ERBB4: variants seen among roughly 807,000 people sequenced by gnomAD.
The protein encoded by ERBB4 is erb-b2 receptor tyrosine kinase 4, also known as receptor tyrosine-protein kinase erbB-4.
Under a neutral mutation model 158.0 loss-of-function variants are expected in ERBB4, and 42 were observed. That is an observed-to-expected ratio of 0.27 (90% CI 0.21 to 0.34). The LOEUF is 0.34. ERBB4 is among the 10% of genes least tolerant of loss of function. The probability of loss-of-function intolerance (pLI) is 1.00; values close to 1 mark genes in which losing one functional copy is unlikely to be tolerated. For synonymous variants in ERBB4, 583 were observed against 558.7 expected (o/e 1.04, Z -0.61); for missense variants, 1,333 against 1,624.1 (o/e 0.82, Z 3.08).
chr2:212,124,722 C>G (rs774582467), intron 2 of ERBB4, 30 bp downstream of exon 2: 2 of 1,613,604 alleles, frequency 1.2e-6, no homozygotes, highest in Admixed American at 3.3e-5. Context: ...TGTCCATTCA[C>G]AAAGAAGAGA....
chr2:211,549,394 G>T (rs958169148), intron 20 of ERBB4, among the ~76,000 whole-genome samples: 1 of 152,058 alleles, frequency 6.6e-6, no homozygotes, highest in African/African-American at 2.4e-5. Context: ...GGGGCTGGTA[G>T]TGGGATTGGG....
At chr2:212,304,737 C>A (rs572053761) in intron 1 of ERBB4, among the ~76,000 whole-genome samples, 12 of 151,536 alleles carry the variant, frequency 7.9e-5, no homozygotes, top group African/African-American at 2.7e-4. Context: ...TCCTCAAGAA[C>A]CTGAGCCCTT....
At chr2:212,393,896 G>C (rs1352647812) in intron 1 of ERBB4, among the ~76,000 whole-genome samples, 1 of 152,058 alleles carries the variant, frequency 6.6e-6, no homozygotes, top group African/African-American at 2.4e-5. Flanking sequence ...TTCTAGGCCA[G>C]ATGCAAAAAT....
At chr2:212,343,503 G>T (rs1477818018) in intron 1 of ERBB4, among the ~76,000 whole-genome samples, 1 of 152,114 alleles carries the variant, frequency 6.6e-6, no homozygotes, top group African/African-American at 2.4e-5. Flanking sequence ...AACTCTAAAT[G>T]CATTGAATAG....
intron 20 of ERBB4, among the ~76,000 whole-genome samples, chr2:211,524,116 G>A (rs1003228879): frequency 2.6e-5 from 4 of 151,838 alleles, no homozygotes; most frequent in South Asian, 2.1e-4. Context: ...ACAGAGTGCC[G>A]ATTGGTGTAT....
At position 212,483,427 on chromosome 2, in the gene ERBB4, T is replaced by C. The variant is rs532684829; in HGVS notation, c.82+55022A>G. On this transcript the variant is annotated intron_variant, in intron 1 of 27. Transcript: ENST00000342788. ...TTATCTGGAGTGTCTTTTCCTAATG[T>C]TAGACTTTTTTGACATTAAGTTTTT... 2.0e-5 allele frequency among the ~76,000 whole-genome samples: 3 copies of C among 152,330 alleles called. No homozygotes were observed. The East Asian group carries it at 5.8e-4, about 29-fold the overall frequency.
intron 2 of ERBB4, among the ~76,000 whole-genome samples, chr2:211,983,996 C>A (rs991937256): frequency 6.6e-6 from 1 of 152,074 alleles, no homozygotes; most frequent in Non-Finnish European, 1.5e-5. Flanking sequence ...AATGGATAAT[C>A]TATAAACAAG....
intron 1 of ERBB4, among the ~76,000 whole-genome samples, chr2:212,461,680 G>T (rs1486719691): frequency 6.6e-6 from 1 of 152,114 alleles, no homozygotes; most frequent in East Asian, 1.9e-4. Flanking sequence ...GTTCCAAAAT[G>T]TGAGGATGTG....
intron 1 of ERBB4, among the ~76,000 whole-genome samples, chr2:212,135,272 A>G (rs1404789819): frequency 6.6e-6 from 1 of 152,144 alleles, no homozygotes; most frequent in Non-Finnish European, 1.5e-5. Flanking sequence ...ACTGAAAACT[A>G]AAAAAACTGA....
chr2:212,075,613 T>C (rs2078251063), intron 2 of ERBB4, among the ~76,000 whole-genome samples: 1 of 151,842 alleles, frequency 6.6e-6, no homozygotes, highest in African/African-American at 2.4e-5. Flanking sequence ...AAAACTTTAG[T>C]TCTCTATTTC....
At chr2:212,348,174 C>T (rs1475461079) in intron 1 of ERBB4, among the ~76,000 whole-genome samples, 1 of 152,124 alleles carries the variant, frequency 6.6e-6, no homozygotes, top group African/African-American at 2.4e-5. Context: ...AAACTGAGCT[C>T]ATACCCTCAA....
chr2:211,466,226 G>T (rs554948840), intron 20 of ERBB4, among the ~76,000 whole-genome samples: 1 of 151,850 alleles, frequency 6.6e-6, no homozygotes, highest in Admixed American at 6.6e-5. Flanking sequence ...GTTGTTTAGC[G>T]TAATAGCCTT....
intron 19 of ERBB4, among the ~76,000 whole-genome samples, chr2:211,590,085 C>A (rs2068414453): frequency 6.6e-6 from 1 of 151,908 alleles, no homozygotes; most frequent in African/African-American, 2.4e-5. Context: ...AGTTCTCATG[C>A]TAAGGATAAC....
At chr2:212,535,532 G>A (rs1253456002) in intron 1 of ERBB4, among the ~76,000 whole-genome samples, 4 of 152,022 alleles carry the variant, frequency 2.6e-5, no homozygotes, top group South Asian at 2.1e-4. Flanking sequence ...CTTGTTCATC[G>A]TTTATCTACT....
chr2:211,641,806 T>C (rs1461304636), intron 16 of ERBB4, among the ~76,000 whole-genome samples: 2 of 152,096 alleles, frequency 1.3e-5, no homozygotes, highest in Admixed American at 1.3e-4. Context: ...TATTTGTTTT[T>C]AGTACTTATG....
intron 3 of ERBB4, among the ~76,000 whole-genome samples, chr2:211,838,154 T>C (rs1273463872): frequency 6.6e-6 from 1 of 152,042 alleles, no homozygotes; most frequent in Non-Finnish European, 1.5e-5. Flanking sequence ...TCGCTTTCCA[T>C]GTATTGCAAC....
chr2:211,495,981 T>A (rs906509568), intron 20 of ERBB4, among the ~76,000 whole-genome samples: 1 of 152,184 alleles, frequency 6.6e-6, no homozygotes, highest in African/African-American at 2.4e-5. Context: ...GATAAATATG[T>A]TGATCCCTTT....
chr2:212,242,712 A>G (rs2084156282), intron 1 of ERBB4, among the ~76,000 whole-genome samples: 2 of 152,214 alleles, frequency 1.3e-5, no homozygotes, highest in Admixed American at 6.5e-5. Context: ...TTTGTATTAA[A>G]GGTGGCACAG....
intron 2 of ERBB4, among the ~76,000 whole-genome samples, chr2:212,060,402 C>A (rs1441125209): frequency 6.6e-6 from 1 of 151,446 alleles, no homozygotes; most frequent in Non-Finnish European, 1.5e-5. Context: ...GACAGTGTGG[C>A]AATTCCTCAA....
Sources: allele counts gnomAD v4.1 joint callset (sites outside exome capture counted in the v4.1 genomes callset), GRCh38; gene constraint gnomAD v4.1.1; transcripts MANE v1.5; gene names NCBI Gene and HGNC (gene_info 2026-07-23, HGNC 2026-07-21).